The following DNAH17 variants were observed in gnomAD, a reference collection of about 807,000 sequenced individuals.
The protein encoded by DNAH17 is axonemal beta dynein heavy chain 17.
A neutral mutation model predicts 485.6 loss-of-function variants in DNAH17; 376 were observed. That is an observed-to-expected ratio of 0.77 (90% CI 0.71 to 0.84). DNAH17 has a LOEUF of 0.84. Among genes scored for constraint, DNAH17 ranks in the 40% least tolerant of loss-of-function variants. The probability of loss-of-function intolerance (pLI) is 0.00; values close to 1 mark genes in which losing one functional copy is unlikely to be tolerated. For missense variants in DNAH17, 6,370 were observed against 5,839.3 expected, an observed-to-expected ratio of 1.09 and a Z score of -2.96; for synonymous variants, 3,031 against 2,405.9, an observed-to-expected ratio of 1.26 and a Z score of -7.60.
intron 14 of DNAH17, among the ~76,000 whole-genome samples, chr17:78,553,737 T>C (rs769648847): frequency 2.1e-4 from 32 of 152,366 alleles, no homozygotes; most frequent in Non-Finnish European, 3.5e-4. Flanking sequence ...ATAGTATTCC[T>C]ATCTCTTTCT....
chr17:78,561,428 C>CA (rs1455243656), intron 12 of DNAH17, among the ~76,000 whole-genome samples: 1 of 152,082 alleles, frequency 6.6e-6, no homozygotes, highest in Non-Finnish European at 1.5e-5. Context: ...AACAGTGGCT[C>CA]AGTCAGCTGC....
rs35604481 is a variant in DNAH17, at chr17:78,426,961, G to T, written c.12736C>A (p.Arg4246Ser). ...ERMNILTNEM[R>S]RSLKELNLGL... ...AGGTTCAGCTCCTTGAGCGAACGGCGCATTTCGTTGGTCAGGATGTTCATT... is the reference window on the plus strand; with the variant it reads ...AGGTTCAGCTCCTTGAGCGAACGGCTCATTTCGTTGGTCAGGATGTTCATT... The change falls in exon 78 of 81, where the codon CGC (arginine) becomes AGC (serine). Residue 4246 changes from arginine to serine, a missense_variant. Coordinates refer to ENST00000389840, the MANE Select transcript of DNAH17 (RefSeq NM_173628.4). 1 of 1,609,908 alleles carries T rather than the reference G, an allele frequency of 6.2e-7. No homozygotes were observed. The highest frequency in any genetic ancestry group is 8.5e-7 in the Non-Finnish European group (1 of 1,178,142).
At chr17:78,566,863 TAC>T (rs1187328788) in intron 10 of DNAH17, 133 bp from the exon 11 acceptor site, 70 of 1,323,680 alleles carry the variant, frequency 5.3e-5, no homozygotes, top group East Asian at 2.8e-4. Context: ...GGGACCGCTC[TAC>T]ACAGTTTTCA....
intron 75 of DNAH17, among the ~76,000 whole-genome samples, chr17:78,432,661 C>T (rs1326880258): frequency 6.6e-6 from 1 of 152,218 alleles, no homozygotes. Context: ...TGGGGGCCTT[C>T]TCAGGACACC....
At chr17:78,574,030 T>C (rs1009770849) in intron 2 of DNAH17, among the ~76,000 whole-genome samples, 4 of 152,112 alleles carry the variant, frequency 2.6e-5, no homozygotes, top group African/African-American at 9.7e-5. Flanking sequence ...AGTCTCAAAA[T>C]TGGAGAAACC....
intron 11 of DNAH17, among the ~76,000 whole-genome samples, chr17:78,564,042 G>A (rs942714186): frequency 1.3e-5 from 2 of 152,200 alleles, no homozygotes; most frequent in African/African-American, 4.8e-5. Context: ...GCAGGGGAAA[G>A]CCTGGGGCGG....
At position 78,426,598 on chromosome 17, in the gene DNAH17, T is replaced by G. The variant is rs773759025; in HGVS notation, c.12774A>C (p.Gly4258=). 3 of 1,603,122 alleles carry G rather than the reference T, an allele frequency of 1.9e-6. No homozygotes were observed. In the South Asian group the frequency reaches 3.3e-5, roughly 18 times the overall value. Residue 4258 remains glycine (G), a splice_region_variant and synonymous_variant, in exon 79 of 81, where the codon GGA becomes GGC. Transcript: ENST00000389840. ...CCACGTCGGTCGTGATGGTCAGTTC[T>G]CCCTAGGAGACACACAGATGGGTGT... ...SLKELNLGLK[G]ELTITTDVED... is the part of the protein sequence containing the mutation.
intron 25 of DNAH17, 133 bp from the exon 26 acceptor site, chr17:78,515,155 T>C (rs1443657638): frequency 1.9e-6 from 2 of 1,049,162 alleles, no homozygotes. Flanking sequence ...ATACCCGAGA[T>C]CAGTAAAGTG....
intron 68 of DNAH17, 34 bp downstream of exon 68, chr17:78,450,220 G>C: frequency 6.2e-7 from 1 of 1,611,752 alleles, no homozygotes; most frequent in South Asian, 1.1e-5. Context: ...GCCCCACCTT[G>C]AGGGAGGCAC....
Position 78,560,809 on chromosome 17 carries a change from A to C in DNAH17, c.1962T>G (p.Phe654Leu), listed in dbSNP as rs1568256728. The C allele has an allele frequency of 4.5e-6, 7 of 1,551,920 alleles. No homozygotes were observed. The highest frequency in any genetic ancestry group is 5.2e-6 in the Non-Finnish European group (6 of 1,147,170). The change falls in exon 13 of 81, where the codon TTT becomes TTG. Residue 654 changes from phenylalanine (F) to leucine (L), a missense_variant. Phe to Leu is a conservative substitution (Grantham distance 22). Coordinates refer to ENST00000389840, the MANE Select transcript of DNAH17 (RefSeq NM_173628.4). ...WVAGVDQDCH[F>L]NLGQPLILRD... Reference sequence around the variant, plus strand: ...GCAGAATCAGCGGCTGCCCCAGGTTAAAGTGGCAGTCCTGGTCCACGCCCG... The same window carrying C: ...GCAGAATCAGCGGCTGCCCCAGGTTCAAGTGGCAGTCCTGGTCCACGCCCG...
chr17:78,538,032 T>C (rs1314503808), intron 18 of DNAH17, among the ~76,000 whole-genome samples: 1 of 150,240 alleles, frequency 6.7e-6, no homozygotes, highest in Non-Finnish European at 1.5e-5. Flanking sequence ...CCCCAGCTAC[T>C]CGGGAGGCTG....
chr17:78,507,722 C>A lies in DNAH17; in HGVS notation c.4320G>T (p.Lys1440Asn), dbSNP rs770320855. 8 of 1,606,548 alleles carry A rather than the reference C, an allele frequency of 5.0e-6. No homozygotes were observed. The Admixed American group carries it at 1.2e-4, about 24-fold the overall frequency. Residue 1440 changes from lysine to asparagine, a missense_variant, in exon 28 of 81, where the codon AAG becomes AAT. Lys to Asn is a moderately conservative substitution (Grantham distance 94). Transcript: ENST00000389840. Reference protein sequence around the residue: ...PHPRTGTMMLKSSEVLVETLE... With the variant: ...PHPRTGTMMLNSSEVLVETLE... ...GCGTCTCCACCAGCACCTCGCTGGA[C>A]TTGAGCATCATGGTGCCTGTCCGCG...
chr17:78,487,472 C>A (rs1343845340), intron 44 of DNAH17, among the ~76,000 whole-genome samples: 1 of 152,222 alleles, frequency 6.6e-6, no homozygotes, highest in Non-Finnish European at 1.5e-5. Flanking sequence ...CAGGAAGCTC[C>A]TGTTAACACA....
chr17:78,549,599 G>A (rs937807767), intron 16 of DNAH17, among the ~76,000 whole-genome samples: 2 of 152,202 alleles, frequency 1.3e-5, no homozygotes, highest in Non-Finnish European at 2.9e-5. Context: ...ATACTTTGTG[G>A]TTTAGTTAAA....
chr17:78,453,253 A>C, intron 65 of DNAH17, 90 bp downstream of exon 65: 1 of 1,523,100 alleles, frequency 6.6e-7, no homozygotes, highest in South Asian at 1.2e-5. Context: ...AGCAAAGGAA[A>C]TTCCGGGCGT....
intron 30 of DNAH17, 74 bp downstream of exon 30, chr17:78,506,646 T>C (rs986984017): frequency 6.2e-7 from 1 of 1,603,370 alleles, no homozygotes; most frequent in Non-Finnish European, 8.5e-7. Flanking sequence ...CCTAGGGCGG[T>C]TGAGGTAGAG....
chr17:78,539,741 A>AT lies in DNAH17; in HGVS notation c.2671dup (p.Ile891AsnfsTer3). 1 of 1,609,170 alleles carries AT rather than the reference A, an allele frequency of 6.2e-7. No individual in the cohort carries two copies. Among genetic ancestry groups the AT allele is most frequent in the South Asian group, 1.1e-5 (1 of 90,306 alleles). On this transcript the variant is annotated frameshift_variant, in exon 18 of 81. Transcript: ENST00000389840. LOFTEE classifies it high-confidence loss of function. ...TACCTTATGTTGATAACTTACATCT[A>AT]TAACCATGTTGTCCATTAGGAAACT...
chr17:78,501,451 C>A (rs1448014982), intron 34 of DNAH17, 107 bp from the exon 35 acceptor site: 8 of 1,314,486 alleles, frequency 6.1e-6, no homozygotes, highest in African/African-American at 5.9e-5. Context: ...CCCAGGGAAC[C>A]CTCCCTGGCC....
intron 19 of DNAH17, 183 bp from the exon 20 acceptor site, chr17:78,532,919 C>G: frequency 1.5e-6 from 1 of 649,378 alleles, no homozygotes; most frequent in Non-Finnish European, 2.5e-6. Flanking sequence ...GGTGGTCCCC[C>G]ACTCCTGGGA....
Sources: gnomAD v4.1 joint callset for allele counts (sites outside exome capture counted in the v4.1 genomes callset) on GRCh38, gnomAD v4.1.1 for gene constraint, MANE v1.5 for transcripts, NCBI Gene and HGNC (gene_info 2026-07-23, HGNC 2026-07-21) for gene names.